The following MAEL variants were observed in gnomAD, a reference collection of about 807,000 sequenced individuals.
The protein encoded by MAEL is maelstrom spermatogenic transposon silencer.
Under a neutral mutation model 62.0 loss-of-function variants are expected in MAEL, and 46 were observed. The ratio of observed to expected loss-of-function variants is 0.74; its 90% CI spans 0.59 to 0.95. The LOEUF (loss-of-function observed/expected upper bound fraction) is 0.95. MAEL is among the 40% of genes least tolerant of loss of function. The pLI, the probability that MAEL is intolerant of heterozygous loss-of-function variation, is 0.00. For synonymous variants in MAEL, 172 were observed against 175.5 expected, an observed-to-expected ratio of 0.98 and a Z score of 0.16; for missense variants, 497 against 526.8, an observed-to-expected ratio of 0.94 and a Z score of 0.55.
At chr1:166,980,821 A>G (rs1394230258) in intron 1 of MAEL, among the ~76,000 whole-genome samples, 1 of 152,152 alleles carries the variant, frequency 6.6e-6, no homozygotes, top group Non-Finnish European at 1.5e-5. Context: ...CCAAAAGGCT[A>G]TAGGAAGAAA....
Position 166,989,803 on chromosome 1 carries a change from A to G in MAEL, c.199A>G (p.Lys67Glu), listed in dbSNP as rs201306124. 3.1e-5 allele frequency: 50 copies of G among 1,613,814 alleles called. No homozygotes were observed. In the East Asian group the frequency reaches 9.8e-4, roughly 32 times the overall value. The change falls in exon 2 of 12, where the codon AAG becomes GAG. Residue 67 changes from lysine to glutamate, a missense_variant. Transcript: ENST00000367872. Reference sequence around the variant, plus strand: ...TCGAGAATGGAGGGCCGCTCAGGGAAAGGACCCTGGGCCCTCAGAGAAGCA... The same window carrying G: ...TCGAGAATGGAGGGCCGCTCAGGGAGAGGACCCTGGGCCCTCAGAGAAGCA... ...MAREWRAAQG[K>E]DPGPSEKQKP...
chr1:167,005,304 G>A lies in MAEL; in HGVS notation c.752G>A (p.Gly251Glu), dbSNP rs757184732. ...CTCACTGTAGAGGACCTTGTAGTGG[G>A]GATCTACCAACAAAAATTTCTCAAG... is the stretch of plus-strand genomic sequence containing the variant. ...QLLTVEDLVV[G>E]IYQQKFLKEP... Residue 251 changes from glycine to glutamate, a missense_variant, in exon 8 of 12, where the codon GGG (glycine) becomes GAG (glutamate). Gly to Glu is a moderately conservative substitution (Grantham distance 98). Transcript: ENST00000367872. 6.2e-7 allele frequency: 1 copy of A among 1,613,562 alleles called. No homozygotes were observed. Among genetic ancestry groups the A allele is most frequent in the Non-Finnish European group, 8.5e-7 (1 of 1,179,712 alleles).
intron 5 of MAEL, among the ~76,000 whole-genome samples, chr1:167,001,922 T>G (rs557917760): frequency 1.5e-4 from 23 of 152,276 alleles, no homozygotes; most frequent in African/African-American, 5.3e-4. Context: ...GCTGGAATTA[T>G]AGGTGCACGT....
chr1:167,007,026 G>GT (rs1313779290), intron 8 of MAEL, among the ~76,000 whole-genome samples: 1 of 151,692 alleles, frequency 6.6e-6, no homozygotes, highest in African/African-American at 2.4e-5. Flanking sequence ...ACAAATTTTA[G>GT]TATCAAGTGC....
upstream of MAEL, chr1:166,989,155 A>C (rs1664030303): frequency 5.4e-6 from 4 of 738,226 alleles, no homozygotes; most frequent in Admixed American, 9.0e-5. Context: ...CCTCACCCGC[A>C]AGGCGGCACG....
intron 5 of MAEL, among the ~76,000 whole-genome samples, chr1:166,999,500 A>T (rs1664571395): frequency 6.6e-6 from 1 of 152,258 alleles, no homozygotes; most frequent in African/African-American, 2.4e-5. Flanking sequence ...TGAAGTTTGC[A>T]GAGTTTGGTT....
chr1:167,009,250 G>T (rs1458260628), intron 8 of MAEL, among the ~76,000 whole-genome samples: 1 of 152,128 alleles, frequency 6.6e-6, no homozygotes, highest in Non-Finnish European at 1.5e-5. Flanking sequence ...ACAGTAAATT[G>T]ATCAGGGGCT....
At chr1:167,020,455 G>A (rs890969447) in intron 10 of MAEL, among the ~76,000 whole-genome samples, 35 of 152,216 alleles carry the variant, frequency 2.3e-4, no homozygotes, top group African/African-American at 8.2e-4. Context: ...ACTTCAAGGG[G>A]CCTTTATTGT....
At chr1:167,000,101 A>G (rs938738404) in intron 5 of MAEL, among the ~76,000 whole-genome samples, 1 of 152,220 alleles carries the variant, frequency 6.6e-6, no homozygotes, top group African/African-American at 2.4e-5. Context: ...TAGCCCATGG[A>G]TCAAGGAGTA....
At chr1:166,993,069 G>A (rs1664261974) in intron 4 of MAEL, among the ~76,000 whole-genome samples, 1 of 152,148 alleles carries the variant, frequency 6.6e-6, no homozygotes, top group African/African-American at 2.4e-5. Context: ...CAGATGGATA[G>A]ACTATCTGAA....
rs143708432 is a variant in MAEL at position 166,991,453 on chromosome 1, G to A, written c.301G>A (p.Ala101Thr). 9.3e-6 allele frequency: 15 copies of A among 1,611,758 alleles called. No individual in the cohort carries two copies. In the African/African-American group the frequency reaches 1.9e-4, roughly 20 times the overall value. Residue 101 changes from alanine (A) to threonine (T), a missense_variant, in exon 3 of 12, where the codon GCT becomes ACT. By Grantham distance (58) the Ala-to-Thr change is moderately conservative (BLOSUM62 0). Transcript: ENST00000367872. ...GAATGTTTCACCTCCAGATATGTCAGCTTTGTCTTTAAAAGGTGATCAAGG... is the reference window on the plus strand; with the variant it reads ...GAATGTTTCACCTCCAGATATGTCAACTTTGTCTTTAAAAGGTGATCAAGG... ...KQNVSPPDMSALSLKGDQALL... is the reference protein window; with the variant it reads ...KQNVSPPDMSTLSLKGDQALL...
At position 166,989,754 on chromosome 1, in the gene MAEL, A is replaced by C. The variant is rs1303567210; in HGVS notation, c.150A>C (p.Glu50Asp). 1.2e-6 allele frequency: 2 copies of C among 1,613,998 alleles called. No individual in the cohort carries two copies. The highest frequency in any genetic ancestry group is 1.1e-5 in the South Asian group (1 of 90,974). ...SSDWALLREEEKEKYAEMARE... is the reference protein window; with the variant it reads ...SSDWALLREEDKEKYAEMARE... ...CCCAAAAGCTTCTGAGGGAGGAAGAAAAGGAGAAATACGCAGAAATGGCTC... is the reference window on the plus strand; with the variant it reads ...CCCAAAAGCTTCTGAGGGAGGAAGACAAGGAGAAATACGCAGAAATGGCTC... The change falls in exon 2 of 12, where the codon GAA becomes GAC. Residue 50 changes from glutamate (E) to aspartate (D), a missense_variant. Physicochemically the swap from Glu to Asp is conservative, Grantham distance 45. Transcript: ENST00000367872.
chr1:167,007,296 G>A (rs552801204), intron 8 of MAEL, among the ~76,000 whole-genome samples: 4 of 152,128 alleles, frequency 2.6e-5, no homozygotes, highest in East Asian at 3.9e-4. Context: ...TCAAGCAGGG[G>A]TTTGTGTGTC....
intron 9 of MAEL, among the ~76,000 whole-genome samples, chr1:167,017,002 G>C (rs1310084563): frequency 6.6e-6 from 1 of 152,130 alleles, no homozygotes; most frequent in Non-Finnish European, 1.5e-5. Context: ...TACTAGAGGG[G>C]TGAGGGGGAA....
chr1:167,019,725 C>T (rs1179036790), intron 10 of MAEL, among the ~76,000 whole-genome samples: 2 of 152,050 alleles, frequency 1.3e-5, no homozygotes, highest in Non-Finnish European at 2.9e-5. Context: ...CCCAAAATTC[C>T]TAGGCATTGA....
chr1:166,981,880 G>T (rs1423972165), intron 1 of MAEL, among the ~76,000 whole-genome samples: 1 of 152,188 alleles, frequency 6.6e-6, no homozygotes, highest in South Asian at 2.1e-4. Context: ...CCATCCATGA[G>T]AATTTCTAAG....
chr1:166,975,621 A>C (rs1202774718), exon 1 of MAEL: 1 of 151,970 alleles, frequency 6.6e-6, no homozygotes, highest in Non-Finnish European at 1.5e-5. Flanking sequence ...CGCTGCCGCG[A>C]CTGCCAAAGT....
chr1:166,993,802 T>C (rs1301876386), intron 4 of MAEL, among the ~76,000 whole-genome samples: 1 of 152,230 alleles, frequency 6.6e-6, no homozygotes, highest in Non-Finnish European at 1.5e-5. Flanking sequence ...TTTCTTTCTC[T>C]GTAAGGAGTA....
At chr1:166,981,561 C>T (rs879355405) in intron 1 of MAEL, among the ~76,000 whole-genome samples, 1 of 151,878 alleles carries the variant, frequency 6.6e-6, no homozygotes, top group Non-Finnish European at 1.5e-5. Context: ...AGGACATGTA[C>T]CAAATATGGT....
Sources: allele counts gnomAD v4.1 joint callset (sites outside exome capture counted in the v4.1 genomes callset), GRCh38; gene constraint gnomAD v4.1.1; transcripts MANE v1.5; gene names NCBI Gene and HGNC (gene_info 2026-07-23, HGNC 2026-07-21).